TENM4: variants seen among roughly 807,000 people sequenced by gnomAD.
TENM4 encodes teneurin transmembrane protein 4.
In TENM4, 82 loss-of-function variants were observed where a neutral mutation model predicts 243.3. The ratio of observed to expected loss-of-function variants is 0.34; its 90% CI spans 0.28 to 0.40. The LOEUF (loss-of-function observed/expected upper bound fraction) is 0.40, where lower values mean the gene tolerates loss of function less well. Among genes scored for constraint, TENM4 ranks in the 10% least tolerant of loss-of-function variants. The probability of loss-of-function intolerance (pLI) is 1.00; values close to 1 mark genes in which losing one functional copy is unlikely to be tolerated. For missense variants in TENM4, 3,138 were observed against 3,673.3 expected, an observed-to-expected ratio of 0.85 and a Z score of 3.77; for synonymous variants, 1,412 against 1,456.3, an observed-to-expected ratio of 0.97 and a Z score of 0.69.
chr11:78,814,398 G>A lies in TENM4; in HGVS notation c.1682-3C>T. The A allele has an allele frequency of 1.3e-6, 2 of 1,548,158 alleles. No individual in the cohort carries two copies. The highest frequency in any genetic ancestry group is 1.7e-6 in the Non-Finnish European group (2 of 1,145,476). ...GCTGGGGCAGTTATCCACCGACTCTGGGGAGAGAAAGGAGAAGGAGAGTTG... is the reference window on the plus strand; with the variant it reads ...GCTGGGGCAGTTATCCACCGACTCTAGGGAGAGAAAGGAGAAGGAGAGTTG... On this transcript the variant is annotated splice_region_variant and splice_polypyrimidine_tract_variant and intron_variant, in intron 12 of 33. Transcript: ENST00000278550.
At chr11:79,179,776 A>T (rs1244573755) in intron 3 of TENM4, among the ~76,000 whole-genome samples, 6 of 151,856 alleles carry the variant, frequency 4.0e-5, no homozygotes, top group Non-Finnish European at 7.4e-5. Flanking sequence ...TGCTCAAAAT[A>T]GTTTAGAATA....
chr11:79,192,762 T>TA (rs199995640), intron 3 of TENM4, among the ~76,000 whole-genome samples: 29 of 148,866 alleles, frequency 1.9e-4, no homozygotes, highest in South Asian at 1.5e-3. Flanking sequence ...AAAATAAAAT[T>TA]AAAAAAAAAA....
intron 16 of TENM4, among the ~76,000 whole-genome samples, chr11:78,785,964 A>G (rs1856926473): frequency 7.7e-6 from 1 of 129,188 alleles, no homozygotes; most frequent in African/African-American, 2.7e-5. Context: ...CTGATCACAG[A>G]CCCTTCATTT....
chr11:79,279,257 G>A (rs1222690020), intron 2 of TENM4, among the ~76,000 whole-genome samples: 1 of 152,096 alleles, frequency 6.6e-6, no homozygotes, highest in Non-Finnish European at 1.5e-5. Context: ...CTTCTTCCCA[G>A]AAGGCCTTAG....
chr11:79,438,552 T>A lies in TENM4; in HGVS notation c.-321+1957A>T, dbSNP rs1859327555. 6.6e-6 allele frequency among the ~76,000 whole-genome samples: 1 copy of A among 152,138 alleles called. No homozygotes were observed. Among genetic ancestry groups the A allele is most frequent in the Non-Finnish European group, 1.5e-5 (1 of 68,026 alleles). ...AACCCCTCGCCAGCGTGGGCCTGGATGGCTGGGCTGCCTGGGCATCTCCAA... is the reference window on the plus strand; with the variant it reads ...AACCCCTCGCCAGCGTGGGCCTGGAAGGCTGGGCTGCCTGGGCATCTCCAA... On this transcript the variant is annotated intron_variant, in intron 1 of 33. Coordinates refer to ENST00000278550, the MANE Select transcript of TENM4 (RefSeq NM_001098816.3). The surrounding 1 kb of genome is among the most constrained non-coding windows in gnomAD (Gnocchi z 4.1).
At chr11:78,754,054 A>C (rs895655250) in intron 19 of TENM4, among the ~76,000 whole-genome samples, 4 of 152,162 alleles carry the variant, frequency 2.6e-5, no homozygotes, top group Non-Finnish European at 4.4e-5. Context: ...TTTATTCTTC[A>C]AGGCAATTTA....
chr11:78,903,215 C>G, intron 7 of TENM4, 53 bp downstream of exon 7: 2 of 1,463,396 alleles, frequency 1.4e-6, no homozygotes, highest in Non-Finnish European at 1.8e-6. Flanking sequence ...GACCTTGGTC[C>G]GGGCCCCGGG....
rs138603066 is a variant in TENM4, at chr11:79,212,088, G to A, written c.-163+3720C>T. Among the ~76,000 whole-genome samples, 139 of 152,340 alleles carry A rather than the reference G, an allele frequency of 9.1e-4. 3 individuals are homozygous for A. The highest frequency in any genetic ancestry group is 7.9e-3 in the Admixed American group (121 of 15,306). On this transcript the variant is annotated intron_variant, in intron 3 of 33. Coordinates refer to ENST00000278550, the MANE Select transcript of TENM4 (RefSeq NM_001098816.3). ...TAAACAGACGACTCAGTCTCTCTGT[G>A]CCTTGGTAGCCATAACTCTAATGTG...
At chr11:79,009,148 A>T (rs1437540154) in intron 6 of TENM4, among the ~76,000 whole-genome samples, 2 of 152,166 alleles carry the variant, frequency 1.3e-5, no homozygotes, top group Admixed American at 1.3e-4. Flanking sequence ...CCAATTTGTT[A>T]TTCCTGGAAA....
chr11:78,895,021 G>C (rs1228925809), intron 7 of TENM4, among the ~76,000 whole-genome samples: 1 of 128,324 alleles, frequency 7.8e-6, no homozygotes, highest in Non-Finnish European at 1.7e-5. Context: ...GACAATTCTG[G>C]CTATTCAGAA....
chr11:79,123,909 G>C (rs1445446083), intron 4 of TENM4, among the ~76,000 whole-genome samples: 1 of 152,190 alleles, frequency 6.6e-6, no homozygotes, highest in East Asian at 1.9e-4. Flanking sequence ...GATCAACCAA[G>C]AGGAGTCAGT....
chr11:79,184,129 T>A (rs181976499), intron 3 of TENM4, among the ~76,000 whole-genome samples: 110 of 152,326 alleles, frequency 7.2e-4, no homozygotes, highest in Non-Finnish European at 1.2e-4. Flanking sequence ...GATAACTGGA[T>A]AATGTGATCT....
chr11:79,135,519 T>C (rs1381241707), intron 4 of TENM4, among the ~76,000 whole-genome samples: 1 of 151,736 alleles, frequency 6.6e-6, no homozygotes, highest in African/African-American at 2.4e-5. Flanking sequence ...CAGAGGAAAA[T>C]AAGTCATTAT....
intron 6 of TENM4, among the ~76,000 whole-genome samples, chr11:79,027,247 A>G (rs1221643737): frequency 2.6e-5 from 4 of 152,212 alleles, no homozygotes; most frequent in African/African-American, 9.7e-5. Flanking sequence ...ACAGAGGGCT[A>G]GCACTTCAAC....
intron 27 of TENM4, among the ~76,000 whole-genome samples, chr11:78,706,069 T>C (rs1859240664): frequency 6.6e-6 from 1 of 152,226 alleles, no homozygotes; most frequent in South Asian, 2.1e-4. Context: ...TAAATGCATT[T>C]GCATTCATCA....
At chr11:78,726,280 T>A in intron 22 of TENM4, 58 bp from the exon 23 acceptor site, 1 of 1,575,996 alleles carries the variant, frequency 6.3e-7, no homozygotes, top group Non-Finnish European at 8.6e-7. Context: ...TCTTTGGCCT[T>A]TAGACCTGTA....
At chr11:79,331,242 TA>T (rs1857057548) in intron 1 of TENM4, among the ~76,000 whole-genome samples, 1 of 152,042 alleles carries the variant, frequency 6.6e-6, no homozygotes, top group Admixed American at 6.6e-5. Flanking sequence ...TTTTTTTTTT[TA>T]CCCCTTTGCA....
intron 1 of TENM4, among the ~76,000 whole-genome samples, chr11:79,371,116 A>G (rs371293489): frequency 2.0e-5 from 3 of 152,256 alleles, no homozygotes; most frequent in African/African-American, 7.2e-5. Context: ...GTGTGCACCC[A>G]GCAGATTGGC....
chr11:79,360,544 A>G (rs151205007), intron 1 of TENM4, among the ~76,000 whole-genome samples: 8 of 152,318 alleles, frequency 5.3e-5, no homozygotes, highest in African/African-American at 1.9e-4. Context: ...CTTCCTTCAA[A>G]ATCAAGGATA....
Sources: gnomAD v4.1 joint callset for allele counts (sites outside exome capture counted in the v4.1 genomes callset) on GRCh38, gnomAD v4.1.1 for gene constraint, Gnocchi (gnomAD v3.1) non-coding constraint, MANE v1.5 for transcripts, NCBI Gene and HGNC (gene_info 2026-07-23, HGNC 2026-07-21) for gene names.